CDH11: variants seen among roughly 807,000 people sequenced by gnomAD.
The protein encoded by CDH11 is cadherin 11.
A neutral mutation model predicts 67.8 loss-of-function variants in CDH11; 11 were observed. That is an observed-to-expected ratio of 0.16 (90% CI 0.10 to 0.27). CDH11 has a LOEUF of 0.27. CDH11 is among the 10% of genes least tolerant of loss of function. CDH11 has a pLI of 1.00. For synonymous variants in CDH11, 419 were observed against 400.0 expected, an observed-to-expected ratio of 1.05 and a Z score of -0.57; for missense variants, 847 against 1,031.2, an observed-to-expected ratio of 0.82 and a Z score of 2.45.
intron 1 of CDH11, among the ~76,000 whole-genome samples, chr16:65,066,085 C>A (rs139011344): frequency 6.6e-6 from 1 of 152,362 alleles, no homozygotes; most frequent in Non-Finnish European, 1.5e-5. Flanking sequence ...TAGTGAGCCT[C>A]ACTGGTCTTC....
intron 1 of CDH11, among the ~76,000 whole-genome samples, chr16:65,090,508 T>C (rs777570837): frequency 9.2e-5 from 14 of 152,124 alleles, no homozygotes; most frequent in Non-Finnish European, 2.1e-4. Flanking sequence ...AAATCAGCCA[T>C]GTGACCATGG....
intron 1 of CDH11, among the ~76,000 whole-genome samples, chr16:65,086,311 T>A (rs1485509577): frequency 6.6e-6 from 1 of 152,156 alleles, no homozygotes; most frequent in African/African-American, 2.4e-5. Flanking sequence ...ACTTTATAGA[T>A]CATCAGAGTC....
At chr16:65,018,680 C>A (rs916441057) in intron 2 of CDH11, among the ~76,000 whole-genome samples, 3 of 152,148 alleles carry the variant, frequency 2.0e-5, no homozygotes, top group African/African-American at 4.8e-5. Context: ...TTACTTCAGC[C>A]TTTTATTAGT....
intron 1 of CDH11, among the ~76,000 whole-genome samples, chr16:65,054,992 C>T (rs1345682452): frequency 3.9e-5 from 6 of 152,302 alleles, no homozygotes; most frequent in Non-Finnish European, 7.4e-5. Flanking sequence ...AAAATTTGTT[C>T]ATAGAGCCTG....
Position 64,946,091 on chromosome 16 carries a change from C to T in CDH11, c.*1512G>A. The stretch of plus-strand genomic sequence containing the variant: ...CCAAATGGCATCGACTCTCAGAATC[C>T]AAAATGGTCCCTGCCCTCATTCTGA... On this transcript the variant is annotated 3_prime_UTR_variant, in exon 13 of 13. Transcript: ENST00000268603. 1 of 1,058,004 alleles carries T rather than the reference C, an allele frequency of 9.5e-7. No individual in the cohort carries two copies. The allele number at this position is 1,058,004 out of a possible 1,614,324, so 65.5% of individuals were successfully genotyped here.
Position 64,947,765 on chromosome 16 carries a change from G to A in CDH11, c.2229C>T (p.Tyr743=), listed in dbSNP as rs145843219. ...TAPPYDSIQI[Y]GYEGRGSVAG... ...CCACTGAGCCCCTGCCTTCATAACCGTAGATTTGAATGGAGTCATAAGGAG... is the reference window on the plus strand; with the variant it reads ...CCACTGAGCCCCTGCCTTCATAACCATAGATTTGAATGGAGTCATAAGGAG... Residue 743 remains tyrosine, a synonymous_variant, in exon 13 of 13, where the codon TAC becomes TAT. Coordinates refer to ENST00000268603, the MANE Select transcript of CDH11 (RefSeq NM_001797.4). 783 of 1,614,092 alleles carry A rather than the reference G, an allele frequency of 4.9e-4. 1 individual carries two copies. Among genetic ancestry groups the A allele is most frequent in the Admixed American group, 3.2e-3 (193 of 60,018 alleles).
intron 1 of CDH11, among the ~76,000 whole-genome samples, chr16:65,076,934 C>T (rs1364746057): frequency 2.0e-5 from 3 of 151,868 alleles, no homozygotes; most frequent in South Asian, 2.1e-4. Context: ...ATTTCTAATC[C>T]GAGACACCGA....
At chr16:65,098,711 T>C (rs1435454066) in intron 1 of CDH11, among the ~76,000 whole-genome samples, 2 of 152,108 alleles carry the variant, frequency 1.3e-5, no homozygotes, top group African/African-American at 4.8e-5. Flanking sequence ...CTATTGGGTC[T>C]GGAATATCAT....
rs565326775 is a variant in CDH11, at chr16:65,122,040, C to G, written c.-458G>C. 1 of 677,590 alleles carries G rather than the reference C, an allele frequency of 1.5e-6. No individual in the cohort carries two copies. Among genetic ancestry groups the G allele is most frequent in the Non-Finnish European group, 2.7e-6 (1 of 376,210 alleles). The allele number at this position is 677,590 out of a possible 1,614,324, so 42.0% of individuals were successfully genotyped here. ...CTGCTCCTCGGCCCGCGACGCTCCC[C>G]TCAGCTGGCGGCGGCCGCGGAATGA... On this transcript the variant is annotated 5_prime_UTR_variant, in exon 1 of 13. Coordinates refer to ENST00000268603, the MANE Select transcript of CDH11 (RefSeq NM_001797.4).
At chr16:65,105,332 CA>C (rs1033377303) in intron 1 of CDH11, among the ~76,000 whole-genome samples, 2 of 152,168 alleles carry the variant, frequency 1.3e-5, no homozygotes, top group Non-Finnish European at 2.9e-5. Flanking sequence ...CCAGCTGGGA[CA>C]AACCAGCTGC....
chr16:65,051,130 G>A (rs1180597258), intron 2 of CDH11, among the ~76,000 whole-genome samples: 8 of 152,168 alleles, frequency 5.3e-5, no homozygotes, highest in Non-Finnish European at 8.8e-5. Context: ...ATTCTGGTGC[G>A]TTTGTAGGGG....
intron 2 of CDH11, among the ~76,000 whole-genome samples, chr16:65,028,611 C>T (rs111890407): frequency 3.9e-5 from 6 of 152,186 alleles, no homozygotes; most frequent in Non-Finnish European, 7.3e-5. Context: ...TGAGTGCTTA[C>T]AAGACGCAGC....
intron 2 of CDH11, among the ~76,000 whole-genome samples, chr16:65,034,046 A>C (rs1161047005): frequency 6.6e-6 from 1 of 152,212 alleles, no homozygotes; most frequent in African/African-American, 2.4e-5. Flanking sequence ...AAAGATGTTG[A>C]AGCCCTAACC....
chr16:65,016,592 T>C (rs987392870), intron 2 of CDH11, among the ~76,000 whole-genome samples: 1 of 152,214 alleles, frequency 6.6e-6, no homozygotes, highest in African/African-American at 2.4e-5. Flanking sequence ...TCCAAATGCA[T>C]TTCTGGAAAA....
At chr16:64,988,411 T>C (rs141790339) in intron 6 of CDH11, 67 bp from the exon 7 acceptor site, 15,871 of 1,338,290 alleles carry the variant, frequency 0.012, 121 homozygotes, top group Non-Finnish European at 0.014. Context: ...ATAGATTTCA[T>C]TGAATCCCAA....
At chr16:65,016,174 C>G (rs1230486372) in intron 2 of CDH11, among the ~76,000 whole-genome samples, 1 of 152,150 alleles carries the variant, frequency 6.6e-6, no homozygotes. Context: ...CTATATATAC[C>G]ACAGAGTGTT....
At position 64,996,491 on chromosome 16, in the gene CDH11, G is replaced by GAAA. The variant is rs34268273; in HGVS notation, c.523+2068_523+2070dup. Among the ~76,000 whole-genome samples, 115 of 135,112 alleles carry GAAA rather than the reference G, an allele frequency of 8.5e-4. 3 individuals are homozygous for GAAA. The highest frequency in any genetic ancestry group is 1.7e-3 in the African/African-American group (58 of 34,900). 88.6% of individuals were successfully genotyped at this position (135,112 alleles called of 152,430 possible). ...GGCAACAGAGCGAGACTCTGTCTCA[G>GAAA]AAAAAAAAAAAAAAAAGTATTACAA... On this transcript the variant is annotated intron_variant, in intron 4 of 12. Transcript: ENST00000268603.
At chr16:65,097,754 T>C (rs1317721589) in intron 1 of CDH11, among the ~76,000 whole-genome samples, 1 of 152,148 alleles carries the variant, frequency 6.6e-6, no homozygotes, top group African/African-American at 2.4e-5. Context: ...AAAAGTAACA[T>C]CTCTCCCACA....
At chr16:65,083,421 A>G (rs1221472800) in intron 1 of CDH11, among the ~76,000 whole-genome samples, 2 of 152,360 alleles carry the variant, frequency 1.3e-5, no homozygotes, top group East Asian at 1.9e-4. Context: ...CCAGGCAGAA[A>G]TGGGCCAGGA....
Sources: allele counts gnomAD v4.1 joint callset (sites outside exome capture counted in the v4.1 genomes callset), GRCh38; gene constraint gnomAD v4.1.1; transcripts MANE v1.5; gene names NCBI Gene and HGNC (gene_info 2026-07-23, HGNC 2026-07-21).